The following EARS2 variants were observed in gnomAD, a reference collection of about 807,000 sequenced individuals.
The protein encoded by EARS2 is glutamyl-tRNA synthetase 2, mitochondrial.
In EARS2, 50 loss-of-function variants were observed where a neutral mutation model predicts 54.1. The ratio of observed to expected loss-of-function variants is 0.92; its 90% CI spans 0.74 to 1.17. The LOEUF (loss-of-function observed/expected upper bound fraction) is 1.17, where lower values mean the gene tolerates loss of function less well. EARS2 is among the 50% of genes most tolerant of loss of function. EARS2 has a pLI of 0.00. For synonymous variants in EARS2, 298 were observed against 281.0 expected, an observed-to-expected ratio of 1.06 and a Z score of -0.61; for missense variants, 673 against 675.0, an observed-to-expected ratio of 1.00 and a Z score of 0.03.
At chr16:23,526,187 A>AC (rs1181599133) in intron 7 of EARS2, among the ~76,000 whole-genome samples, 1 of 139,800 alleles carries the variant, frequency 7.2e-6, no homozygotes, top group Non-Finnish European at 1.5e-5. Flanking sequence ...ATCTCAGCTC[A>AC]CTGCAACCTC....
chr16:23,542,389 C>G (rs1453011651), intron 3 of EARS2, among the ~76,000 whole-genome samples: 3 of 125,378 alleles, frequency 2.4e-5, no homozygotes, highest in African/African-American at 8.9e-5. Context: ...GCAGTCTTGG[C>G]TCACTGCAAC....
chr16:23,521,418 G>A lies in EARS2; in HGVS notation c.*2953C>T, dbSNP rs534212213. Among the ~76,000 whole-genome samples the A allele has an allele frequency of 6.8e-6, 1 of 146,856 alleles. No homozygotes were observed. The highest frequency in any genetic ancestry group is 2.5e-5 in the African/African-American group (1 of 39,726). ...TATTTTATTCATTTTTTTTTTTTTA[G>A]ACACAGGATCTTGCTCTGTTGCCCA... On this transcript the variant is annotated 3_prime_UTR_variant, in exon 9 of 9. Coordinates refer to ENST00000449606, the MANE Select transcript of EARS2 (RefSeq NM_001083614.2).
chr16:23,552,153 C>G lies in EARS2; in HGVS notation c.291G>C (p.Trp97Cys). The G allele has an allele frequency of 6.2e-7, 1 of 1,613,412 alleles. No homozygotes were observed. The highest frequency in any genetic ancestry group is 1.1e-5 in the South Asian group (1 of 91,052). Reference sequence around the variant, plus strand: ...TCCTTTCTCTGCCAGGCTTACCTGCCCACTCCAGCATGTCCTCAATATTCT... The same window carrying G: ...TCCTTTCTCTGCCAGGCTTACCTGCGCACTCCAGCATGTCCTCAATATTCT... ...AAENIEDMLE[W>C]AGIPPDESPR... Residue 97 changes from tryptophan (W) to cysteine (C), a missense_variant, in exon 2 of 9, where the codon TGG becomes TGC. Physicochemically the swap from Trp to Cys is radical, Grantham distance 215. Coordinates refer to ENST00000449606, the MANE Select transcript of EARS2 (RefSeq NM_001083614.2).
chr16:23,554,496 G>A (rs565452848), intron 1 of EARS2, among the ~76,000 whole-genome samples: 1 of 151,962 alleles, frequency 6.6e-6, no homozygotes, highest in Non-Finnish European at 1.5e-5. Context: ...TACCTTCTTC[G>A]GACCAGCCCA....
intron 2 of EARS2, among the ~76,000 whole-genome samples, chr16:23,548,621 C>T (rs1965644554): frequency 6.6e-6 from 1 of 151,898 alleles, no homozygotes; most frequent in African/African-American, 2.4e-5. Flanking sequence ...CTCACACTGT[C>T]GCTCCAGGCT....
At chr16:23,552,868 C>A in intron 1 of EARS2, 1 of 179,842 alleles carries the variant, frequency 5.6e-6, no homozygotes, top group Non-Finnish European at 1.2e-5. Context: ...TCAAGTGATC[C>A]ATCTGCCTTG....
intron 1 of EARS2, chr16:23,556,811 ACT>A: frequency 2.2e-6 from 1 of 463,102 alleles, no homozygotes; most frequent in Non-Finnish European, 4.2e-6. Context: ...GGCACATGTG[ACT>A]CTAAAATTAC....
At chr16:23,554,736 A>C (rs563964838) in intron 1 of EARS2, among the ~76,000 whole-genome samples, 2 of 152,218 alleles carry the variant, frequency 1.3e-5, no homozygotes, top group South Asian at 4.1e-4. Flanking sequence ...AGCCTCTTAC[A>C]TCAAGTACAC....
intron 7 of EARS2, among the ~76,000 whole-genome samples, chr16:23,529,260 A>G (rs1478794870): frequency 6.6e-6 from 1 of 152,252 alleles, no homozygotes; most frequent in Non-Finnish European, 1.5e-5. Context: ...TCTGGTGAGT[A>G]CACGGCAGAG....
chr16:23,545,359 G>A (rs1965586400), intron 2 of EARS2: 1 of 152,108 alleles, frequency 6.6e-6, no homozygotes, highest in Admixed American at 6.5e-5. Flanking sequence ...ATGGTTCAGA[G>A]AACAGCCCAT....
Position 23,529,883 on chromosome 16 carries a change from C to T in EARS2, c.1082G>A (p.Arg361Gln), listed in dbSNP as rs553556340. 30 of 1,614,098 alleles carry T rather than the reference C, an allele frequency of 1.9e-5. No homozygotes were observed. Among genetic ancestry groups the T allele is most frequent in the Middle Eastern group, 1.6e-4 (1 of 6,062 alleles). ...LPEFNRLHLQ[R>Q]LVSNESQRRQ... ...CCTCTGGCTCTCATTGCTCACCAGC[C>T]GCTGGAGGTGCAGTCTGCGGAAGAA... Residue 361 changes from arginine to glutamine, a missense_variant, in exon 6 of 9, where the codon CGG (arginine) becomes CAG (glutamine). Physicochemically the swap from Arg to Gln is conservative, Grantham distance 43 (BLOSUM62 1). Around this residue, in one of 3 missense-constraint regions of EARS2, gnomAD observed 338 missense variants for 361.2 expected, o/e 0.94. Transcript: ENST00000449606.
intron 2 of EARS2, among the ~76,000 whole-genome samples, chr16:23,546,944 T>TG (rs896974889): frequency 1.3e-5 from 2 of 152,200 alleles, no homozygotes; most frequent in African/African-American, 4.8e-5. Flanking sequence ...CGGGTAAATT[T>TG]GGGGGGATCC....
intron 2 of EARS2, 117 bp from the exon 3 acceptor site, chr16:23,544,820 G>T: frequency 1.0e-6 from 1 of 991,818 alleles, no homozygotes; most frequent in African/African-American, 1.6e-5. Flanking sequence ...CATGAGGTTG[G>T]CATTAGTACA....
Position 23,534,946 on chromosome 16 carries a change from A to G in EARS2, c.900T>C (p.Asp300=). ...CCAACAAGGAATCGGGCAGGAAGCC[A>G]TCAGCAGCAAAGTGCTCCAGGAAAA... is the stretch of plus-strand genomic sequence containing the variant. ...GDVFLEHFAA[D]GFLPDSLLDI... The change falls in exon 4 of 9, where the codon GAT becomes GAC. Residue 300 remains aspartate, a synonymous_variant. Transcript: ENST00000449606. 1 of 1,608,486 alleles carries G rather than the reference A, an allele frequency of 6.2e-7. No homozygotes were observed. Among genetic ancestry groups the G allele is most frequent in the Non-Finnish European group, 8.5e-7 (1 of 1,176,278 alleles).
chr16:23,546,928 C>A (rs1567388268), intron 2 of EARS2, among the ~76,000 whole-genome samples: 1 of 152,200 alleles, frequency 6.6e-6, no homozygotes, highest in East Asian at 1.9e-4. Context: ...GAAAGGAGGG[C>A]TAAATCGGGT....
At chr16:23,532,382 C>A (rs1403302560) in intron 5 of EARS2, among the ~76,000 whole-genome samples, 1 of 152,080 alleles carries the variant, frequency 6.6e-6, no homozygotes, top group Non-Finnish European at 1.5e-5. Flanking sequence ...TAAAAATATA[C>A]GTACCATTTA....
chr16:23,540,727 C>T (rs747175623), intron 3 of EARS2, among the ~76,000 whole-genome samples: 3 of 151,876 alleles, frequency 2.0e-5, no homozygotes, highest in East Asian at 1.9e-4. Flanking sequence ...TGCCTGAGCT[C>T]GTCCTAGCAC....
At chr16:23,544,490 T>C (rs1348143574) in intron 3 of EARS2, 24 bp downstream of exon 3, 3 of 1,606,054 alleles carry the variant, frequency 1.9e-6, no homozygotes, top group Non-Finnish European at 2.6e-6. Context: ...TGATGAGGCA[T>C]CTGCAACAAG....
chr16:23,533,492 C>T (rs905613940), intron 4 of EARS2, among the ~76,000 whole-genome samples: 5 of 152,106 alleles, frequency 3.3e-5, no homozygotes, highest in Non-Finnish European at 7.4e-5. Context: ...CCCTGGGCCC[C>T]CCATTCCACT....
Sources: gnomAD v4.1 joint callset for allele counts (sites outside exome capture counted in the v4.1 genomes callset) on GRCh38, gnomAD v4.1.1 for gene constraint, gnomAD v4.1.1 regional missense constraint, MANE v1.5 for transcripts, NCBI Gene and HGNC (gene_info 2026-07-23, HGNC 2026-07-21) for gene names.